Variants in GHR observed in about 807,000 individuals in gnomAD.
The protein encoded by GHR is GH receptor.
A neutral mutation model predicts 67.1 loss-of-function variants in GHR; 35 were observed. That is an observed-to-expected ratio of 0.52 (90% confidence interval 0.40 to 0.69). GHR has a LOEUF of 0.69. GHR is among the 30% of genes least tolerant of loss of function. GHR has a pLI of 0.00. For missense variants in GHR, 792 were observed against 764.6 expected, an observed-to-expected ratio of 1.04 and a Z score of -0.42; for synonymous variants, 272 against 269.1, an observed-to-expected ratio of 1.01 and a Z score of -0.10.
chr5:42,558,417 C>T (rs1206757503), intron 1 of GHR, among the ~76,000 whole-genome samples: 1 of 152,074 alleles, frequency 6.6e-6, no homozygotes, highest in Admixed American at 6.5e-5. Context: ...GACATATAAA[C>T]CATAAAATGT....
At chr5:42,665,667 A>G (rs1755924412) in intron 3 of GHR, among the ~76,000 whole-genome samples, 2 of 152,088 alleles carry the variant, frequency 1.3e-5, no homozygotes, top group South Asian at 4.2e-4. Context: ...TAATGGGTGC[A>G]GCACACCAGC....
intron 3 of GHR, among the ~76,000 whole-genome samples, chr5:42,684,090 A>G (rs1162709295): frequency 6.6e-6 from 1 of 152,156 alleles, no homozygotes; most frequent in Non-Finnish European, 1.5e-5. Flanking sequence ...AACCTGATTG[A>G]CATTTGTATT....
intron 1 of GHR, among the ~76,000 whole-genome samples, chr5:42,438,862 AGCTAAGGTGATTCTAG>A (rs1743447793): frequency 6.6e-6 from 1 of 152,184 alleles, no homozygotes; most frequent in South Asian, 2.1e-4. Context: ...AGAGCCACCC[AGCTAAGGTGATTCTAG>A]GCCCCTACTC....
chr5:42,635,903 C>G (rs1296158056), intron 3 of GHR, among the ~76,000 whole-genome samples: 1 of 151,798 alleles, frequency 6.6e-6, no homozygotes, highest in Non-Finnish European at 1.5e-5. Context: ...AAGCCTTAAT[C>G]TTAGAAGTGA....
At chr5:42,696,984 A>G (rs1381957582) in intron 5 of GHR, among the ~76,000 whole-genome samples, 1 of 152,202 alleles carries the variant, frequency 6.6e-6, no homozygotes, top group East Asian at 1.9e-4. Flanking sequence ...ATCTTGTTGC[A>G]ATGTGAAACG....
At chr5:42,559,293 C>G (rs1749473621) in intron 1 of GHR, among the ~76,000 whole-genome samples, 1 of 152,022 alleles carries the variant, frequency 6.6e-6, no homozygotes. Flanking sequence ...ATAATCCCAG[C>G]ACTTTGGGAG....
chr5:42,676,463 AAG>A (rs1440539245), intron 3 of GHR, among the ~76,000 whole-genome samples: 2 of 152,192 alleles, frequency 1.3e-5, no homozygotes, highest in African/African-American at 2.4e-5. Flanking sequence ...ATTGTCCAAA[AAG>A]AAAATATTTT....
intron 3 of GHR, among the ~76,000 whole-genome samples, chr5:42,662,912 T>G (rs1298308363): frequency 6.6e-6 from 1 of 152,120 alleles, no homozygotes; most frequent in South Asian, 2.1e-4. Context: ...ATAAAGAGGA[T>G]ATCACCACTG....
At chr5:42,477,588 G>C (rs1428616939) in intron 1 of GHR, among the ~76,000 whole-genome samples, 1 of 152,204 alleles carries the variant, frequency 6.6e-6, no homozygotes, top group Non-Finnish European at 1.5e-5. Flanking sequence ...ACTGGTGTGA[G>C]ATGGTATCTC....
At chr5:42,667,069 C>G (rs973010547) in intron 3 of GHR, among the ~76,000 whole-genome samples, 5 of 152,146 alleles carry the variant, frequency 3.3e-5, no homozygotes, top group Non-Finnish European at 5.9e-5. Context: ...CTAACACTAA[C>G]TTCCATGACT....
chr5:42,653,477 G>A (rs2112831302), intron 3 of GHR, among the ~76,000 whole-genome samples: 1 of 152,176 alleles, frequency 6.6e-6, no homozygotes, highest in Non-Finnish European at 1.5e-5. Context: ...ATACAAATCA[G>A]AGTAGAGAAA....
chr5:42,573,282 G>A (rs952546296), intron 2 of GHR, among the ~76,000 whole-genome samples: 5 of 152,116 alleles, frequency 3.3e-5, no homozygotes, highest in African/African-American at 9.7e-5. Context: ...TAGTGGGAGG[G>A]GTCTAGAAAT....
At chr5:42,638,175 G>A (rs1193551480) in intron 3 of GHR, among the ~76,000 whole-genome samples, 4 of 150,484 alleles carry the variant, frequency 2.7e-5, no homozygotes, top group Non-Finnish European at 5.9e-5. Flanking sequence ...TCCTGACCTC[G>A]TGATCTGCCC....
intron 1 of GHR, among the ~76,000 whole-genome samples, chr5:42,542,265 G>A (rs1748547346): frequency 6.6e-6 from 1 of 152,094 alleles, no homozygotes. Context: ...CAGAGAAGTG[G>A]GGAGTGATCC....
chr5:42,714,507 C>CTTGT (rs1389967252), intron 8 of GHR, among the ~76,000 whole-genome samples: 1 of 152,116 alleles, frequency 6.6e-6, no homozygotes, highest in African/African-American at 2.4e-5. Context: ...AACTTCAAAA[C>CTTGT]AGAATTTTGT....
rs574985345 is a variant in GHR, at chr5:42,573,540, A to T, written c.70+7596A>T. Among the ~76,000 whole-genome samples the T allele has an allele frequency of 2.3e-3, 353 of 151,590 alleles. 1 individual carries two copies. Among genetic ancestry groups the T allele is most frequent in the African/African-American group, 8.2e-3 (339 of 41,318 alleles). ...CCGGTCACCCAGCACCATCCCCCTG[A>T]CACCACCTTTATCTCTACACCACCT... On this transcript the variant is annotated intron_variant, in intron 2 of 9. Transcript: ENST00000230882.
rs562728670 is a variant in GHR, at chr5:42,579,072, A to G, written c.70+13128A>G. Among the ~76,000 whole-genome samples the G allele has an allele frequency of 2.3e-5, 3 of 131,428 alleles. No homozygotes were observed. In the East Asian group the frequency reaches 6.5e-4, roughly 29 times the overall value. 86.2% of individuals were successfully genotyped at this position (131,428 alleles called of 152,430 possible). A position where few individuals can be genotyped will look rare whatever the true frequency, so the allele number is the denominator to read the frequency against. On this transcript the variant is annotated intron_variant, in intron 2 of 9. Coordinates refer to ENST00000230882, the MANE Select transcript of GHR (RefSeq NM_000163.5). ...ACCTGTTTTAAACTCTAAATCTGAC[A>G]CTATAGATAGATAGATAGATAGATA...
chr5:42,679,704 T>C (rs79574878), intron 3 of GHR, among the ~76,000 whole-genome samples: 2,647 of 152,252 alleles, frequency 0.017, 137 homozygotes, highest in South Asian at 0.15. Flanking sequence ...ACCAAGTGAC[T>C]TTGGGCCAGT....
rs1753880266 is a variant in GHR, at chr5:42,630,416, A to G, written c.136+1313A>G. Among the ~76,000 whole-genome samples the G allele has an allele frequency of 1.5e-5, 2 of 132,366 alleles. 1 individual carries two copies. Among genetic ancestry groups the G allele is most frequent in the South Asian group, 4.7e-4 (2 of 4,258 alleles). 86.8% of individuals were successfully genotyped at this position (132,366 alleles called of 152,430 possible). A position where few individuals can be genotyped will look rare whatever the true frequency, so the allele number is the denominator to read the frequency against. On this transcript the variant is annotated intron_variant, in intron 3 of 9. Coordinates refer to ENST00000230882, the MANE Select transcript of GHR (RefSeq NM_000163.5). ...TTAAGATATTGCTATTCTTGTTGTT[A>G]TTCTAGAGTCACGAAATCATAATTT... is the stretch of plus-strand genomic sequence containing the variant.
Sources: allele counts gnomAD v4.1 joint callset (sites outside exome capture counted in the v4.1 genomes callset), GRCh38; gene constraint gnomAD v4.1.1; transcripts MANE v1.5; gene names NCBI Gene and HGNC (gene_info 2026-07-23, HGNC 2026-07-21).